The following DUOX1 variants were observed in gnomAD, a reference collection of about 807,000 sequenced individuals.
DUOX1 encodes the protein dual oxidase 1, also known as NADPH thyroid oxidase 1.
In DUOX1, 134 loss-of-function variants were observed where a neutral mutation model predicts 181.8. The ratio of observed to expected loss-of-function variants is 0.74; its 90% CI spans 0.64 to 0.85. DUOX1 has a LOEUF of 0.85. Among genes scored for constraint, DUOX1 ranks in the 40% least tolerant of loss-of-function variants. DUOX1 has a pLI of 0.00. For missense variants in DUOX1, 1,814 were observed against 2,064.4 expected, an observed-to-expected ratio of 0.88 and a Z score of 2.35; for synonymous variants, 798 against 832.5, an observed-to-expected ratio of 0.96 and a Z score of 0.71.
rs372907231 is a variant in DUOX1 at position 45,135,132 on chromosome 15, C to T, written c.336C>T (p.Ser112=). 3.0e-5 allele frequency: 48 copies of T among 1,613,642 alleles called. No individual in the cohort carries two copies. The highest frequency in any genetic ancestry group is 1.6e-4 in the Middle Eastern group (1 of 6,084). ...FGYHVLSDLV[S]VETPGCPAEF... is the part of the protein sequence containing the mutation. ...ATCACGTGCTTTCAGACCTGGTGAG[C>T]GTGGAAACTCCCGGCTGCCCCGCCG... Residue 112 remains serine, a synonymous_variant, in exon 5 of 34, where the codon AGC becomes AGT. Transcript: ENST00000389037.
Position 45,144,929 on chromosome 15 carries a change from C to A in DUOX1, c.2171C>A (p.Ala724Glu). The change falls in exon 18 of 34, where the codon GCG becomes GAG. Residue 724 changes from alanine to glutamate, a missense_variant. Coordinates refer to ENST00000389037, the MANE Select transcript of DUOX1 (RefSeq NM_175940.3). ...LLFNLEEERQ[A>E]LVENLRGALK... ...TTTAACTTGGAGGAAGAGCGGCAGG[C>A]GCTGGTGGAAAATCTCCGGGGAGCT... 1 of 1,612,554 alleles carries A rather than the reference C, an allele frequency of 6.2e-7. No individual in the cohort carries two copies. The highest frequency in any genetic ancestry group is 8.5e-7 in the Non-Finnish European group (1 of 1,179,546).
At chr15:45,147,865 C>T (rs1896694965) in intron 19 of DUOX1, 39 bp from the exon 20 acceptor site, 1 of 1,578,330 alleles carries the variant, frequency 6.3e-7, no homozygotes, top group African/African-American at 1.3e-5. Context: ...TTCAGGCAGG[C>T]AGGCGGGGGC....
At position 45,165,244 on chromosome 15, in the gene DUOX1, T is replaced by C; in HGVS notation, c.*343T>C. ...CAAGTACTATGTGTGTGCATGTCTG[T>C]ATGTGTGTTGGGGCGGTGAGTGTAA... On this transcript the variant is annotated 3_prime_UTR_variant, in exon 34 of 34. Transcript: ENST00000389037. 3.2e-6 allele frequency: 1 copy of C among 309,662 alleles called. No homozygotes were observed. Among genetic ancestry groups the C allele is most frequent in the Non-Finnish European group, 6.0e-6 (1 of 166,432 alleles). 19.2% of individuals were successfully genotyped at this position (309,662 alleles called of 1,614,324 possible).
intron 16 of DUOX1, 126 bp from the exon 17 acceptor site, chr15:45,143,910 A>C (rs1301741743): frequency 5.8e-6 from 5 of 856,282 alleles, no homozygotes; most frequent in Non-Finnish European, 9.2e-6. Flanking sequence ...AATGACTCTC[A>C]GTACCCCAGA....
intron 9 of DUOX1, 69 bp downstream of exon 9, chr15:45,136,694 C>A: frequency 2.1e-6 from 3 of 1,431,494 alleles, no homozygotes; most frequent in Non-Finnish European, 3.0e-6. Flanking sequence ...AATCTGCCCT[C>A]AGGAGCCCTC....
In DUOX1 at chr15:45,135,145, G is replaced by C. The variant is rs765515769; in HGVS notation, c.349G>C (p.Gly117Arg). 3.0e-5 allele frequency: 48 copies of C among 1,613,638 alleles called. No individual in the cohort carries two copies. Among genetic ancestry groups the C allele is most frequent in the African/African-American group, 4.0e-5 (3 of 74,884 alleles). ...AGACCTGGTGAGCGTGGAAACTCCC[G>C]GCTGCCCCGCCGAGTTCCTCAACAT... ...LSDLVSVETP[G>R]CPAEFLNIRI... Residue 117 changes from glycine to arginine, a missense_variant, in exon 5 of 34, where the codon GGC becomes CGC. Physicochemically the swap from Gly to Arg is moderately radical, Grantham distance 125. Coordinates refer to ENST00000389037, the MANE Select transcript of DUOX1 (RefSeq NM_175940.3).
At chr15:45,140,759 A>C (rs1293412687) in intron 12 of DUOX1, 136 bp from the exon 13 acceptor site, 14 of 817,428 alleles carry the variant, frequency 1.7e-5, no homozygotes, top group Non-Finnish European at 2.5e-5. Flanking sequence ...GGGGCATAAT[A>C]AGCACTGTAT....
chr15:45,164,358 T>C (rs1013862764), intron 33 of DUOX1, among the ~76,000 whole-genome samples: 1 of 152,128 alleles, frequency 6.6e-6, no homozygotes, highest in East Asian at 1.9e-4. Context: ...ACCCAACCTC[T>C]ATTAGAAATG....
At chr15:45,146,057 T>G (rs1896644986) in intron 18 of DUOX1, among the ~76,000 whole-genome samples, 1 of 152,054 alleles carries the variant, frequency 6.6e-6, no homozygotes, top group Non-Finnish European at 1.5e-5. Flanking sequence ...AAATCAGCAA[T>G]CCGGGAGCTC....
intron 18 of DUOX1, among the ~76,000 whole-genome samples, chr15:45,146,434 G>A (rs572913326): frequency 6.6e-6 from 1 of 152,134 alleles, no homozygotes; most frequent in East Asian, 1.9e-4. Flanking sequence ...AGGATCCTTC[G>A]GGGCTATGGG....
rs779638946 is a variant in DUOX1, at chr15:45,143,219, C to T, written c.1852C>T (p.Arg618Trp). The change falls in exon 16 of 34, where the codon CGG becomes TGG. Residue 618 changes from arginine (R) to tryptophan (W), a missense_variant. Coordinates refer to ENST00000389037, the MANE Select transcript of DUOX1 (RefSeq NM_175940.3). ...VSLLSAWIVA[R>W]LRMRNFKRLQ... ...CCTGCTCAGTGCCTGGATTGTTGCC[C>T]GGCTCCGGATGAGAAATTTCAAGAG... The T allele has an allele frequency of 2.1e-5, 34 of 1,614,060 alleles. No individual in the cohort carries two copies. The Admixed American group carries it at 2.3e-4, about 11-fold the overall frequency.
At chr15:45,162,434 C>T in intron 31 of DUOX1, 57 bp downstream of exon 31, 2 of 1,570,434 alleles carry the variant, frequency 1.3e-6, no homozygotes, top group Non-Finnish European at 1.7e-6. Context: ...TGTCATGGTA[C>T]CCATCTGTGC....
chr15:45,157,898 C>A (rs1897003266), intron 28 of DUOX1, among the ~76,000 whole-genome samples: 1 of 151,884 alleles, frequency 6.6e-6, no homozygotes, highest in South Asian at 2.1e-4. Flanking sequence ...CAGTTTGGGA[C>A]AATCTCATCT....
At chr15:45,157,093 A>C (rs1648319) in intron 28 of DUOX1, among the ~76,000 whole-genome samples, 30 of 152,186 alleles carry the variant, frequency 2.0e-4, no homozygotes, top group Admixed American at 8.5e-4. Flanking sequence ...GGCTCCTGCC[A>C]TCTGACCTGC....
At position 45,150,225 on chromosome 15, in the gene DUOX1, C is replaced by T. The variant is rs138294442; in HGVS notation, c.2819-407C>T. The stretch of plus-strand genomic sequence containing the variant: ...CACAGAAAAGTAAAAAGAACTGTAG[C>T]GTGATCTCCCATATACCTACCACCT... On this transcript the variant is annotated intron_variant, in intron 21 of 33. Transcript: ENST00000389037. 30 of 165,210 alleles carry T rather than the reference C, an allele frequency of 1.8e-4. 1 individual carries two copies. Among genetic ancestry groups the T allele is most frequent in the South Asian group, 1.1e-3 (6 of 5,318 alleles). The allele number at this position is 165,210 out of a possible 1,614,324, so 10.2% of individuals were successfully genotyped here.
chr15:45,136,487 T>A, intron 8 of DUOX1, 42 bp from the exon 9 acceptor site: 1 of 1,613,948 alleles, frequency 6.2e-7, no homozygotes, highest in Non-Finnish European at 8.5e-7. Flanking sequence ...TTGGGGATTT[T>A]AGGGCTAAAT....
intron 31 of DUOX1, 23 bp downstream of exon 31, chr15:45,162,400 A>C: frequency 6.2e-7 from 1 of 1,606,832 alleles, no homozygotes; most frequent in Non-Finnish European, 8.5e-7. Flanking sequence ...CCCACTTCCC[A>C]CCAACCCATG....
chr15:45,152,236 C>A, intron 24 of DUOX1, 50 bp from the exon 25 acceptor site: 1 of 1,555,982 alleles, frequency 6.4e-7, no homozygotes, highest in Non-Finnish European at 8.7e-7. Context: ...CTAACCAGCT[C>A]TCTGTCCTCT....
chr15:45,144,039 T>C lies in DUOX1; in HGVS notation c.1940T>C (p.Leu647Ser). 1 of 1,613,850 alleles carries C rather than the reference T, an allele frequency of 6.2e-7. No individual in the cohort carries two copies. Among genetic ancestry groups the C allele is most frequent in the Non-Finnish European group, 8.5e-7 (1 of 1,180,000 alleles). The stretch of plus-strand genomic sequence containing the variant: ...AGCCCTGTCTCTCTCCCCCTAGCTT[T>C]GGAATGGCAAGGCCACAAGGAGCCC... ...SEKLVGGMEA[L>S]EWQGHKEPCR... The change falls in exon 17 of 34, where the codon TTG becomes TCG. Residue 647 changes from leucine (L) to serine (S), a missense_variant. By Grantham distance (145) the Leu-to-Ser change is moderately radical. Transcript: ENST00000389037.
Sources: gnomAD v4.1 joint callset for allele counts (sites outside exome capture counted in the v4.1 genomes callset) on GRCh38, gnomAD v4.1.1 for gene constraint, MANE v1.5 for transcripts, NCBI Gene and HGNC (gene_info 2026-07-23, HGNC 2026-07-21) for gene names.